SBF1: variants seen among roughly 807,000 people sequenced by gnomAD.
SBF1 encodes SET binding factor 1.
In SBF1, 65 loss-of-function variants were observed where a neutral mutation model predicts 215.8. The ratio of observed to expected loss-of-function variants is 0.30; its 90% CI spans 0.25 to 0.37. The LOEUF (loss-of-function observed/expected upper bound fraction) is 0.37, where lower values mean the gene tolerates loss of function less well. Among genes scored for constraint, SBF1 ranks in the 10% least tolerant of loss-of-function variants. The pLI is 1.00. For missense variants in SBF1, 2,634 were observed against 2,667.8 expected (o/e 0.99, Z 0.28); for synonymous variants, 1,410 against 1,122.8 (o/e 1.26, Z -5.11).
At chr22:50,456,946 A>C in intron 29 of SBF1, 88 bp downstream of exon 29, 1 of 1,104,876 alleles carries the variant, frequency 9.1e-7, no homozygotes, top group Non-Finnish European at 1.2e-6. Flanking sequence ...GTGGAGGGAG[A>C]CATTAGTGCC....
chr22:50,462,924 C>A lies in SBF1; in HGVS notation c.1914G>T (p.Leu638=), dbSNP rs1024523262. The A allele has an allele frequency of 6.2e-7, 1 of 1,613,008 alleles. No homozygotes were observed. The highest frequency in any genetic ancestry group is 8.5e-7 in the Non-Finnish European group (1 of 1,179,820). ...MNCCLQDCTS[L]DEHGIAAALL... is the part of the protein sequence containing the mutation. ...GAGCCGCCGCAATGCCATGCTCGTC[C>A]AGAGAAGTGCAGTCCTGCAGGTAGA... Residue 638 remains leucine, a synonymous_variant, in exon 17 of 41, where the codon CTG becomes CTT. Transcript: ENST00000380817.
At chr22:50,456,776 A>AG in intron 29 of SBF1, 103 bp from the exon 30 acceptor site, 3 of 1,093,142 alleles carry the variant, frequency 2.7e-6, no homozygotes, top group Non-Finnish European at 3.8e-6. Context: ...CTCCCAGGGC[A>AG]GGGGTGGTTG....
intron 23 of SBF1, among the ~76,000 whole-genome samples, 176 bp from the exon 24 acceptor site, chr22:50,460,888 C>T (rs1396460012): frequency 1.3e-5 from 2 of 152,228 alleles, no homozygotes; most frequent in Admixed American, 1.3e-4. Context: ...CTCGAAATCT[C>T]AGTGGCTGTG....
Position 50,454,649 on chromosome 22 carries a change from G to C in SBF1, c.4906C>G (p.Leu1636Val), listed in dbSNP as rs968860109. 4 of 1,594,214 alleles carry C rather than the reference G, an allele frequency of 2.5e-6. No homozygotes were observed. Among genetic ancestry groups the C allele is most frequent in the Admixed American group, 1.7e-5 (1 of 57,598 alleles). Residue 1636 changes from leucine (L) to valine (V), a missense_variant, in exon 36 of 41, where the codon CTG becomes GTG. Leu to Val is a conservative substitution (Grantham distance 32). Transcript: ENST00000380817. ...GGGGGTTCAGGGGGCCCCTGGGCCA[G>C]TTCCCAGTCATAGGGAGGGCCCTCG... is the stretch of plus-strand genomic sequence containing the variant. ...LAEGPPYDWE[L>V]AQGPPEPPEE...
intron 31 of SBF1, 50 bp downstream of exon 31, chr22:50,456,166 G>A: frequency 1.3e-6 from 2 of 1,589,518 alleles, no homozygotes; most frequent in Non-Finnish European, 1.7e-6. Flanking sequence ...CTCTACCCAA[G>A]GGGAGGGCCC....
Position 50,468,397 on chromosome 22 carries a change from T to A in SBF1, c.120A>T (p.Pro40=), listed in dbSNP as rs1238681423. The change falls in exon 2 of 41, where the codon CCA becomes CCT. Residue 40 remains proline (P), a synonymous_variant. Coordinates refer to ENST00000380817, the MANE Select transcript of SBF1 (RefSeq NM_002972.4). ...TCACCAGCTCGATGCCCTGGGGGAA[T>A]GGGTTGTCCTCCCAGTCCTTCTCTG... ...RFPEKDWEDN[P]FPQGIELFCQ... is the part of the protein sequence containing the mutation. 3.7e-6 allele frequency: 6 copies of A among 1,613,054 alleles called. No individual in the cohort carries two copies. The East Asian group carries it at 8.9e-5, about 24-fold the overall frequency.
Position 50,464,597 on chromosome 22 carries a change from G to C in SBF1, c.1573C>G (p.Gln525Glu), listed in dbSNP as rs1556430212. The C allele has an allele frequency of 2.5e-6, 4 of 1,611,840 alleles. No individual in the cohort carries two copies. The highest frequency in any genetic ancestry group is 3.4e-6 in the Non-Finnish European group (4 of 1,179,814). ...GCCTTCACAGCTGGGGGTGCACCCT[G>C]CATCTTGGCTGCAGCCTGGTCCACG... is the stretch of plus-strand genomic sequence containing the variant. ...WIVDQAAAKM[Q>E]GAPPAVKAER... is the part of the protein sequence containing the mutation. The change falls in exon 14 of 41, where the codon CAG becomes GAG. Residue 525 changes from glutamine (Q) to glutamate (E), a missense_variant. Coordinates refer to ENST00000380817, the MANE Select transcript of SBF1 (RefSeq NM_002972.4).
chr22:50,461,706 G>A lies in SBF1; in HGVS notation c.2656C>T (p.Arg886Trp), dbSNP rs372390926. Reference protein sequence around the residue: ...LPPIQKPKLLRPRLLPGEECV... With the variant: ...LPPIQKPKLLWPRLLPGEECV... ...TCCTCACCCGGCAGCAGGCGCGGCC[G>A]CAGCAGCTTGGGCTGCTCGAAAACA... is the stretch of plus-strand genomic sequence containing the variant. The change falls in exon 22 of 41, where the codon CGG becomes TGG. Residue 886 changes from arginine (R) to tryptophan (W), a missense_variant. Transcript: ENST00000380817. 94 of 1,609,524 alleles carry A rather than the reference G, an allele frequency of 5.8e-5. No individual in the cohort carries two copies. Among genetic ancestry groups the A allele is most frequent in the Middle Eastern group, 3.3e-4 (2 of 6,054 alleles).
rs754500421 is a variant in SBF1, at chr22:50,460,327, G to A, written c.3228C>T (p.Pro1076=). ...QHVTRKKYNP[P]SWEHRGQPPP... ...GCGGCTGGCCCCGGTGCTCCCAGCTGGGGGGGTTGTACTTCTTGCGAGTGA... is the reference window on the plus strand; with the variant it reads ...GCGGCTGGCCCCGGTGCTCCCAGCTAGGGGGGTTGTACTTCTTGCGAGTGA... Residue 1076 remains proline, a synonymous_variant, in exon 25 of 41, where the codon CCC becomes CCT. Transcript: ENST00000380817. 2 of 1,612,148 alleles carry A rather than the reference G, an allele frequency of 1.2e-6. No individual in the cohort carries two copies. Among genetic ancestry groups the A allele is most frequent in the East Asian group, 2.2e-5 (1 of 44,848 alleles).
At chr22:50,473,942 GTGAGATCA>G (rs1324382547) in intron 1 of SBF1, among the ~76,000 whole-genome samples, 1 of 152,216 alleles carries the variant, frequency 6.6e-6, no homozygotes, top group Non-Finnish European at 1.5e-5. Flanking sequence ...GGAGGAAGAG[GTGAGATCA>G]TGTACACAAA....
At chr22:50,469,711 G>A (rs1400493903) in intron 1 of SBF1, among the ~76,000 whole-genome samples, 1 of 152,130 alleles carries the variant, frequency 6.6e-6, no homozygotes, top group East Asian at 1.9e-4. Context: ...GCAAGGCGGG[G>A]GTCATGCTCA....
At position 50,463,274 on chromosome 22, in the gene SBF1, A is replaced by T. The variant is rs944608535; in HGVS notation, c.1899+9T>A. 1.2e-6 allele frequency: 2 copies of T among 1,613,194 alleles called. No individual in the cohort carries two copies. Among genetic ancestry groups the T allele is most frequent in the Non-Finnish European group, 1.7e-6 (2 of 1,179,812 alleles). ...TGAGCCATGTCACTAGCAGGATAAGAGGCCTCACCTGCAGGCAGCAGTTCA... is the reference window on the plus strand; with the variant it reads ...TGAGCCATGTCACTAGCAGGATAAGTGGCCTCACCTGCAGGCAGCAGTTCA... On this transcript the variant is annotated intron_variant, in intron 16 of 40. Coordinates refer to ENST00000380817, the MANE Select transcript of SBF1 (RefSeq NM_002972.4).
intron 1 of SBF1, among the ~76,000 whole-genome samples, chr22:50,470,639 C>T (rs534003587): frequency 1.4e-4 from 21 of 152,304 alleles, no homozygotes; most frequent in African/African-American, 3.6e-4. Context: ...ACCCTAGGAC[C>T]GACCTCCCTC....
rs748652137 is a variant in SBF1 at position 50,454,821 on chromosome 22, T to A, written c.4805A>T (p.Asp1602Val). 6.2e-7 allele frequency: 1 copy of A among 1,613,910 alleles called. No homozygotes were observed. Among genetic ancestry groups the A allele is most frequent in the Admixed American group, 1.7e-5 (1 of 60,010 alleles). The part of the protein sequence containing the change: ...VFHNYMYAPE[D>V]AEVLRPYSNV... Reference sequence around the variant, plus strand: ...ACCCAGGCCCCAGCTTACCTCTGCGTCCTCGGGCGCATACATGTAATTGTG... The same window carrying A: ...ACCCAGGCCCCAGCTTACCTCTGCGACCTCGGGCGCATACATGTAATTGTG... Residue 1602 changes from aspartate to valine, a missense_variant, in exon 35 of 41, where the codon GAC (aspartate) becomes GTC (valine). Physicochemically the swap from Asp to Val is radical, Grantham distance 152. Coordinates refer to ENST00000380817, the MANE Select transcript of SBF1 (RefSeq NM_002972.4).
chr22:50,458,442 A>G (rs2067350376), intron 28 of SBF1, among the ~76,000 whole-genome samples: 1 of 152,032 alleles, frequency 6.6e-6, no homozygotes, highest in South Asian at 2.1e-4. Context: ...GGATGGTCGG[A>G]GACGCAAAAG....
rs1169608143 is a variant in SBF1 at position 50,464,775 on chromosome 22, G to A, written c.1432-37C>T. The A allele has an allele frequency of 3.7e-6, 6 of 1,610,496 alleles. No homozygotes were observed. The African/African-American group carries it at 6.7e-5, about 18-fold the overall frequency. On this transcript the variant is annotated intron_variant, in intron 13 of 40. Transcript: ENST00000380817. ...CGGCAGGTGTGGGGCAGGGGCCCAG[G>A]GATCAAGGCGGTACGACGCCCTCCC...
In SBF1 at chr22:50,465,872, C is replaced by G. The variant is rs773475925; in HGVS notation, c.1012-32G>C. Reference sequence around the variant, plus strand: ...GCACAGAATGGAGCAGGCAGCTGCACGCTGGCCCCGGCTCTAGGCTCCCCG... The same window carrying G: ...GCACAGAATGGAGCAGGCAGCTGCAGGCTGGCCCCGGCTCTAGGCTCCCCG... On this transcript the variant is annotated intron_variant, in intron 9 of 40. Transcript: ENST00000380817. The G allele has an allele frequency of 1.9e-6, 3 of 1,612,294 alleles. No homozygotes were observed. In the Admixed American group the frequency reaches 5.0e-5, roughly 27 times the overall value.
chr22:50,452,159 A>C (rs1217783073), intron 36 of SBF1, among the ~76,000 whole-genome samples: 1 of 151,694 alleles, frequency 6.6e-6, no homozygotes, highest in East Asian at 1.9e-4. Context: ...AAAAAAAAAA[A>C]AGAAGCAGCT....
chr22:50,446,593 C>CT lies in SBF1; in HGVS notation c.*548_*549insA, dbSNP rs1362997371. ...GCCCTGAGGCGTGGAGGGAATCAAG[C>CT]AAGTCCCCAGTGAAGCCTCCTGCTC... On this transcript the variant is annotated 3_prime_UTR_variant, in exon 41 of 41. Coordinates refer to ENST00000380817, the MANE Select transcript of SBF1 (RefSeq NM_002972.4). 5.9e-6 allele frequency: 2 copies of CT among 339,798 alleles called. No homozygotes were observed. Among genetic ancestry groups the CT allele is most frequent in the Non-Finnish European group, 1.2e-5 (2 of 171,492 alleles). The allele number at this position is 339,798 out of a possible 1,614,324, so 21.0% of individuals were successfully genotyped here.
Sources: allele counts gnomAD v4.1 joint callset (sites outside exome capture counted in the v4.1 genomes callset), GRCh38; gene constraint gnomAD v4.1.1; transcripts MANE v1.5; gene names NCBI Gene and HGNC (gene_info 2026-07-23, HGNC 2026-07-21).